Variants in PCDHGA8 observed in about 807,000 individuals in gnomAD.
PCDHGA8 encodes protocadherin gamma-A8.
In PCDHGA8, 45 loss-of-function variants were observed where a neutral mutation model predicts 59.2. The ratio of observed to expected loss-of-function variants is 0.76; its 90% CI spans 0.60 to 0.98. The LOEUF (loss-of-function observed/expected upper bound fraction) is 0.98, where lower values mean the gene tolerates loss of function less well. Among genes scored for constraint, PCDHGA8 ranks in the 50% least tolerant of loss-of-function variants. The pLI is 0.00. For synonymous variants in PCDHGA8, 531 were observed against 519.0 expected, an observed-to-expected ratio of 1.02 and a Z score of -0.32; for missense variants, 1,257 against 1,196.2, an observed-to-expected ratio of 1.05 and a Z score of -0.75.
Position 141,393,127 on chromosome 5 carries a change from A to T in PCDHGA8, c.314A>T (p.Asn105Ile), listed in dbSNP as rs766823317. 8.7e-6 allele frequency: 14 copies of T among 1,613,320 alleles called. No homozygotes were observed. Among genetic ancestry groups the T allele is most frequent in the Non-Finnish European group, 1.2e-5 (14 of 1,179,900 alleles). Residue 105 changes from asparagine (N) to isoleucine (I), a missense_variant, in exon 1 of 4, where the codon AAT becomes ATT. Coordinates refer to ENST00000398604, the MANE Select transcript of PCDHGA8 (RefSeq NM_032088.2). ...LCAQSPRCLI[N>I]INTLVEDKGK... ...GCTCAGAGCCCGCGGTGTCTGATAA[A>T]TATTAACACCCTGGTTGAGGATAAA... is the stretch of plus-strand genomic sequence containing the variant.
intron 1 of PCDHGA8, chr5:141,409,996 G>A (rs1561724976): frequency 6.2e-7 from 1 of 1,613,132 alleles, no homozygotes; most frequent in Non-Finnish European, 8.5e-7. Context: ...ACGCCGACTC[G>A]GGACACAACG....
chr5:141,410,287 C>T (rs1277233674), intron 1 of PCDHGA8: 1 of 1,614,018 alleles, frequency 6.2e-7, no homozygotes, highest in East Asian at 2.2e-5. Context: ...TGGTGGTGGC[C>T]TTGGCCTTAA....
intron 1 of PCDHGA8, among the ~76,000 whole-genome samples, chr5:141,481,869 G>A (rs909237712): frequency 4.1e-5 from 6 of 146,780 alleles, no homozygotes; most frequent in East Asian, 2.0e-4. Flanking sequence ...AGCCGAGATC[G>A]CGCCACTGCA....
intron 1 of PCDHGA8, chr5:141,427,050 G>A (rs974721070): frequency 4.4e-6 from 2 of 457,372 alleles, no homozygotes; most frequent in Non-Finnish European, 4.4e-6. Flanking sequence ...TGTGCCCCCA[G>A]GCACCTCTGT....
chr5:141,476,597 G>C lies in PCDHGA8; in HGVS notation c.2425-18210G>C, dbSNP rs2099394582. On this transcript the variant is annotated intron_variant, in intron 1 of 3. Coordinates refer to ENST00000398604, the MANE Select transcript of PCDHGA8 (RefSeq NM_032088.2). The surrounding 1 kb of genome is among the most constrained non-coding windows in gnomAD (Gnocchi z 7.6). ...GCGCTTTCCGCTCGAGAGCGCGCAC[G>C]ATCCCGATGTGGGAAGCAACTCTTT... The C allele has an allele frequency of 1.2e-6, 2 of 1,614,112 alleles. No individual in the cohort carries two copies. The highest frequency in any genetic ancestry group is 1.7e-6 in the Non-Finnish European group (2 of 1,180,046).
At chr5:141,413,229 C>A in intron 1 of PCDHGA8, 1 of 1,613,914 alleles carries the variant, frequency 6.2e-7, no homozygotes, top group South Asian at 1.1e-5. Context: ...GCGGGCTGGT[C>A]CTGCTCTGCC....
At chr5:141,419,139 G>C in intron 1 of PCDHGA8, 1 of 1,613,916 alleles carries the variant, frequency 6.2e-7, no homozygotes, top group South Asian at 1.1e-5. Flanking sequence ...GCCACAGACA[G>C]GGGCAAGCCT....
chr5:141,486,271 C>T lies in PCDHGA8; in HGVS notation c.2425-8536C>T. 1 of 1,614,086 alleles carries T rather than the reference C, an allele frequency of 6.2e-7. No homozygotes were observed. Among genetic ancestry groups the T allele is most frequent in the Non-Finnish European group, 8.5e-7 (1 of 1,179,994 alleles). ...CCCTCCCCGAGAGTGCAGAACCTGG[C>T]ACTGTGGTGGCACTTATCAGTGTGC... On this transcript the variant is annotated intron_variant, in intron 1 of 3. Coordinates refer to ENST00000398604, the MANE Select transcript of PCDHGA8 (RefSeq NM_032088.2). The surrounding 1 kb of genome is among the most constrained non-coding windows in gnomAD (Gnocchi z 5.0).
Position 141,404,868 on chromosome 5 carries a change from A to G in PCDHGA8, c.2424+9631A>G, listed in dbSNP as rs375122600. On this transcript the variant is annotated intron_variant, in intron 1 of 3. Coordinates refer to ENST00000398604, the MANE Select transcript of PCDHGA8 (RefSeq NM_032088.2). Reference sequence around the variant, plus strand: ...GCCCTGCTAGATAGAGATGCGCTCAAACAGAGCCTTGTGGTGGCTGTACAG... The same window carrying G: ...GCCCTGCTAGATAGAGATGCGCTCAGACAGAGCCTTGTGGTGGCTGTACAG... 5.1e-5 allele frequency: 83 copies of G among 1,613,770 alleles called. 1 individual carries two copies. The highest frequency in any genetic ancestry group is 6.9e-5 in the Non-Finnish European group (81 of 1,179,896).
intron 2 of PCDHGA8, among the ~76,000 whole-genome samples, chr5:141,498,945 G>C (rs1421135706): frequency 8.0e-6 from 1 of 125,434 alleles, no homozygotes; most frequent in Non-Finnish European, 1.6e-5. Context: ...AAGAAAGAAA[G>C]AAAAAGAGAG....
intron 1 of PCDHGA8, among the ~76,000 whole-genome samples, chr5:141,449,588 C>CA (rs768743917): frequency 0.036 from 2,064 of 56,756 alleles, 20 homozygotes; most frequent in Middle Eastern, 0.06. Context: ...GACTCTGTCT[C>CA]AAAAAAAAAA....
chr5:141,399,478 G>A, intron 1 of PCDHGA8: 2 of 1,614,012 alleles, frequency 1.2e-6, no homozygotes, highest in East Asian at 2.2e-5. Flanking sequence ...TTTCCACCAG[G>A]CGTCCTACTT....
Position 141,432,484 on chromosome 5 carries a change from G to A in PCDHGA8, c.2424+37247G>A, listed in dbSNP as rs1164877592. On this transcript the variant is annotated intron_variant, in intron 1 of 3. Transcript: ENST00000398604. The surrounding 1 kb of genome is among the most constrained non-coding windows in gnomAD (Gnocchi z 6.0). ...TCCCCACGGACGGTTCCACTGGCGTGGAGCTGGCTCCCCGCTCCGCAGAGC... is the reference window on the plus strand; with the variant it reads ...TCCCCACGGACGGTTCCACTGGCGTAGAGCTGGCTCCCCGCTCCGCAGAGC... 8.7e-6 allele frequency: 14 copies of A among 1,614,196 alleles called. No individual in the cohort carries two copies. Among genetic ancestry groups the A allele is most frequent in the Non-Finnish European group, 1.2e-5 (14 of 1,180,046 alleles).
intron 1 of PCDHGA8, among the ~76,000 whole-genome samples, chr5:141,445,490 C>T (rs1181158971): frequency 6.6e-6 from 1 of 152,134 alleles, no homozygotes; most frequent in Non-Finnish European, 1.5e-5. Flanking sequence ...AGTTAATGGG[C>T]CCTATTCTAA....
At position 141,433,030 on chromosome 5, in the gene PCDHGA8, T is replaced by C. The variant is rs116611363; in HGVS notation, c.2424+37793T>C. ...TCCTGCAGACCTATTCCCACGAGGTTTCCCTCACCACGGACTCGCGGAAGA... is the reference window on the plus strand; with the variant it reads ...TCCTGCAGACCTATTCCCACGAGGTCTCCCTCACCACGGACTCGCGGAAGA... On this transcript the variant is annotated intron_variant, in intron 1 of 3. Transcript: ENST00000398604. 10,352 of 1,614,096 alleles carry C rather than the reference T, an allele frequency of 6.4e-3. 43 individuals are homozygous for C. The highest frequency in any genetic ancestry group is 8.6e-3 in the Middle Eastern group (52 of 6,062).
chr5:141,395,310 A>G (rs752171326), intron 1 of PCDHGA8, 73 bp downstream of exon 1: 7 of 1,502,410 alleles, frequency 4.7e-6, no homozygotes. Context: ...TTTGAAAAAC[A>G]TTGTGAAGAT....
rs1330463387 is a variant in PCDHGA8, at chr5:141,393,177, G to C, written c.364G>C (p.Glu122Gln). The part of the protein sequence containing the change: ...DKGKLFGVEI[E>Q]IIDINDNNPK... ...AGGAAAACTCTTTGGGGTAGAAATA[G>C]AAATAATTGATATTAACGATAATAA... The change falls in exon 1 of 4, where the codon GAA becomes CAA. Residue 122 changes from glutamate (E) to glutamine (Q), a missense_variant. Transcript: ENST00000398604. The C allele has an allele frequency of 1.2e-6, 2 of 1,613,174 alleles. No individual in the cohort carries two copies. Among genetic ancestry groups the C allele is most frequent in the Non-Finnish European group, 1.7e-6 (2 of 1,179,896 alleles).
rs1264759473 is a variant in PCDHGA8 at position 141,486,183 on chromosome 5, G to A, written c.2425-8624G>A. On this transcript the variant is annotated intron_variant, in intron 1 of 3. Transcript: ENST00000398604. The surrounding 1 kb of genome is among the most constrained non-coding windows in gnomAD (Gnocchi z 5.0). The stretch of plus-strand genomic sequence containing the variant: ...GCCATGGAGCAACATTGCAGCCTTC[G>A]AGTGGATCTGCTGGACGTAAATGAC... 3 of 1,614,154 alleles carry A rather than the reference G, an allele frequency of 1.9e-6. No homozygotes were observed. The highest frequency in any genetic ancestry group is 1.1e-5 in the South Asian group (1 of 91,082).
rs372648693 is a variant in PCDHGA8, at chr5:141,417,997, G to A, written c.2424+22760G>A. 244 of 1,613,872 alleles carry A rather than the reference G, an allele frequency of 1.5e-4. No homozygotes were observed. The Middle Eastern group carries it at 3.5e-3, about 23-fold the overall frequency. On this transcript the variant is annotated intron_variant, in intron 1 of 3. Transcript: ENST00000398604. ...CGGAGGAGCTGGCCAAGGGCTCGGT[G>A]GTGGGGAACCTCGCTAAGGATCTAG...
Sources: allele counts gnomAD v4.1 joint callset (sites outside exome capture counted in the v4.1 genomes callset), GRCh38; gene constraint gnomAD v4.1.1; non-coding constraint Gnocchi (gnomAD v3.1); transcripts MANE v1.5; gene names NCBI Gene and HGNC (gene_info 2026-07-23, HGNC 2026-07-21).